Variants in ZNF831 observed in about 807,000 individuals in gnomAD.
ZNF831 encodes the protein zinc finger protein 831, also known as chromosome 20 open reading frame 174.
A neutral mutation model predicts 95.8 loss-of-function variants in ZNF831; 59 were observed. The ratio of observed to expected loss-of-function variants is 0.62; its 90% CI spans 0.50 to 0.77. The LOEUF (loss-of-function observed/expected upper bound fraction) is 0.77, where lower values mean the gene tolerates loss of function less well. Among genes scored for constraint, ZNF831 ranks in the 30% least tolerant of loss-of-function variants. ZNF831 has a pLI of 0.00. For synonymous variants in ZNF831, 961 were observed against 925.5 expected (o/e 1.04, Z -0.70); for missense variants, 2,205 against 2,164.0 (o/e 1.02, Z -0.38).
chr20:59,132,438 A>G (rs1393670687), intron 1 of ZNF831, among the ~76,000 whole-genome samples: 2 of 152,300 alleles, frequency 1.3e-5, no homozygotes, highest in South Asian at 2.1e-4. Context: ...CAGAAAGTTT[A>G]CTATTTCACA....
intron 1 of ZNF831, among the ~76,000 whole-genome samples, chr20:59,175,633 G>T (rs1247946796): frequency 1.3e-5 from 2 of 151,848 alleles, no homozygotes; most frequent in Non-Finnish European, 2.9e-5. Context: ...CTTTGCTGGG[G>T]CTTTCTATGT....
chr20:59,233,043 C>G (rs6015459), intron 4 of ZNF831, among the ~76,000 whole-genome samples: 37,230 of 131,368 alleles, frequency 0.28, 5,806 homozygotes, highest in African/African-American at 0.48. Flanking sequence ...CACACACACA[C>G]ATAGAGAGAG....
At chr20:59,249,274 C>A (rs1987768257) in intron 4 of ZNF831, among the ~76,000 whole-genome samples, 2 of 152,182 alleles carry the variant, frequency 1.3e-5, no homozygotes, top group South Asian at 4.1e-4. Flanking sequence ...TTACTACCCC[C>A]TGCTTATCAT....
At chr20:59,215,801 C>T (rs1399539660) in intron 4 of ZNF831, among the ~76,000 whole-genome samples, 1 of 152,216 alleles carries the variant, frequency 6.6e-6, no homozygotes, top group Admixed American at 6.5e-5. Context: ...TCAAGAGAAG[C>T]TGTTTATCGA....
chr20:59,212,691 A>G (rs1437665196), intron 4 of ZNF831, among the ~76,000 whole-genome samples: 2 of 152,182 alleles, frequency 1.3e-5, no homozygotes, highest in Non-Finnish European at 2.9e-5. Context: ...ACCAGGGAAA[A>G]CAGGCATCTA....
rs1689402815 is a variant in ZNF831, at chr20:59,255,704, T to C, written c.*961T>C. On this transcript the variant is annotated 3_prime_UTR_variant, in exon 6 of 6. Coordinates refer to ENST00000371030, the MANE Select transcript of ZNF831 (RefSeq NM_178457.3). ...CCTGCTCGTCGTGACGGGAGCCTTT[T>C]AGATTTCCTTCAGAAGCTTCAAGGA... The C allele has an allele frequency of 6.6e-6, 1 of 152,244 alleles. No homozygotes were observed. The highest frequency in any genetic ancestry group is 2.4e-5 in the African/African-American group (1 of 41,458). 9.4% of individuals were successfully genotyped at this position (152,244 alleles called of 1,614,324 possible). A position where few individuals can be genotyped will look rare whatever the true frequency, so the allele number is the denominator to read the frequency against.
chr20:59,202,339 TAAA>T (rs34375805), intron 3 of ZNF831, among the ~76,000 whole-genome samples: 11,826 of 138,192 alleles, frequency 0.086, 780 homozygotes, highest in East Asian at 0.34. Flanking sequence ...TTTTTTTTTT[TAAA>T]AAAAAAAACA....
rs2146563311 is a variant in ZNF831 at position 59,192,313 on chromosome 20, A to T, written c.1294A>T (p.Thr432Ser). The T allele has an allele frequency of 6.3e-7, 1 of 1,594,916 alleles. No homozygotes were observed. The highest frequency in any genetic ancestry group is 8.5e-7 in the Non-Finnish European group (1 of 1,170,360). ...AQLDNVRPRK[T>S]GLSKQGSIDL... The stretch of plus-strand genomic sequence containing the variant: ...GCTGGACAACGTGCGGCCCCGGAAG[A>T]CCGGGCTGTCCAAACAGGGCAGCAT... Residue 432 changes from threonine to serine, a missense_variant, in exon 2 of 6, where the codon ACC becomes TCC. Physicochemically the swap from Thr to Ser is moderately conservative, Grantham distance 58 (BLOSUM62 1). Transcript: ENST00000371030. This position sits in a 1 kb window ranked among gnomAD's most constrained non-coding sequence, Gnocchi z 5.2.
At chr20:59,245,505 A>G (rs901761395) in intron 4 of ZNF831, among the ~76,000 whole-genome samples, 2 of 152,114 alleles carry the variant, frequency 1.3e-5, no homozygotes, top group Admixed American at 6.5e-5. Flanking sequence ...CACTGCTGAC[A>G]TTTGGCGACA....
chr20:59,248,827 CCTTT>C (rs546217945), intron 4 of ZNF831, among the ~76,000 whole-genome samples: 96 of 151,884 alleles, frequency 6.3e-4, no homozygotes, highest in African/African-American at 2.0e-3. Flanking sequence ...CCCTTTTTTC[CCTTT>C]CTATTTCTGG....
chr20:59,169,604 A>G lies in ZNF831; in HGVS notation c.-37+5397A>G, dbSNP rs866587816. On this transcript the variant is annotated intron_variant, in intron 1 of 5. Transcript: ENST00000371030. This position sits in a 1 kb window ranked among gnomAD's most constrained non-coding sequence, Gnocchi z 4.1. ...AACGTGGTGAAATCCTGTCTCTACT[A>G]AAAATACAAAAATTAGCCCGGTGTG... Among the ~76,000 whole-genome samples the G allele has an allele frequency of 1.3e-4, 20 of 152,264 alleles. No individual in the cohort carries two copies. Among genetic ancestry groups the G allele is most frequent in the Middle Eastern group, 3.4e-3 (1 of 294 alleles).
intron 4 of ZNF831, among the ~76,000 whole-genome samples, chr20:59,214,274 C>T (rs943714402): frequency 2.2e-4 from 34 of 152,184 alleles, no homozygotes; most frequent in African/African-American, 8.2e-4. Flanking sequence ...GCTGTGACAT[C>T]TTAATGGATT....
intron 2 of ZNF831, 89 bp downstream of exon 2, chr20:59,194,846 C>T (rs113568707): frequency 1.9e-5 from 27 of 1,439,850 alleles, no homozygotes; most frequent in African/African-American, 1.1e-4. Context: ...AGTCTGAAGC[C>T]GTCCCATGTA....
At chr20:59,207,563 T>C (rs914604204) in intron 4 of ZNF831, among the ~76,000 whole-genome samples, 1 of 152,178 alleles carries the variant, frequency 6.6e-6, no homozygotes, top group Admixed American at 6.5e-5. Flanking sequence ...TTCACCATGC[T>C]TGGAAATAAA....
chr20:59,254,348 C>T lies in ZNF831; in HGVS notation c.4639C>T (p.Pro1547Ser), dbSNP rs747755634. Reference sequence around the variant, plus strand: ...AGCACAGACCCTCTTGCCAGGGAGACCTTCATCTGGACAAAGAATTTCAGA... The same window carrying T: ...AGCACAGACCCTCTTGCCAGGGAGATCTTCATCTGGACAAAGAATTTCAGA... ...GRAQTLLPGR[P>S]SSGQRISDSV... The change falls in exon 6 of 6, where the codon CCT (proline) becomes TCT (serine). Residue 1547 changes from proline (P) to serine (S), a missense_variant. Pro to Ser is a moderately conservative substitution (Grantham distance 74). Coordinates refer to ENST00000371030, the MANE Select transcript of ZNF831 (RefSeq NM_178457.3). This position sits in a 1 kb window ranked among gnomAD's most constrained non-coding sequence, Gnocchi z 4.5. 6.2e-7 allele frequency: 1 copy of T among 1,614,100 alleles called. No individual in the cohort carries two copies. Among genetic ancestry groups the T allele is most frequent in the Non-Finnish European group, 8.5e-7 (1 of 1,180,018 alleles).
chr20:59,140,805 T>G (rs1201097999), intron 1 of ZNF831, among the ~76,000 whole-genome samples: 3 of 152,212 alleles, frequency 2.0e-5, no homozygotes, highest in African/African-American at 7.2e-5. Context: ...CATTTACCAT[T>G]GAGTTTGGAA....
chr20:59,165,741 CT>C (rs1010698254), intron 1 of ZNF831, among the ~76,000 whole-genome samples: 14 of 151,360 alleles, frequency 9.2e-5, no homozygotes, highest in South Asian at 4.2e-4. Context: ...CTTGTAGTTC[CT>C]TTTTTTTTCT....
intron 4 of ZNF831, among the ~76,000 whole-genome samples, chr20:59,233,193 T>G (rs916570486): frequency 6.6e-6 from 1 of 152,182 alleles, no homozygotes; most frequent in Non-Finnish European, 1.5e-5. Context: ...TGCCTCTGCA[T>G]GAAGTTGAGA....
chr20:59,203,517 A>C (rs1341801692), intron 3 of ZNF831, among the ~76,000 whole-genome samples: 2 of 152,196 alleles, frequency 1.3e-5, no homozygotes, highest in African/African-American at 4.8e-5. Flanking sequence ...TCCATATAAA[A>C]ACAGAAGAAG....
Sources: allele counts gnomAD v4.1 joint callset (sites outside exome capture counted in the v4.1 genomes callset), GRCh38; gene constraint gnomAD v4.1.1; non-coding constraint Gnocchi (gnomAD v3.1); transcripts MANE v1.5; gene names NCBI Gene and HGNC (gene_info 2026-07-23, HGNC 2026-07-21).